Variants in PDE4D observed in about 807,000 individuals in gnomAD.
PDE4D encodes the protein phosphodiesterase 4D, also known as 3',5'-cyclic-AMP phosphodiesterase 4D.
Under a neutral mutation model 87.4 loss-of-function variants are expected in PDE4D, and 24 were observed. That is an observed-to-expected ratio of 0.27 (90% confidence interval 0.20 to 0.39). PDE4D has a LOEUF of 0.39. PDE4D is among the 10% of genes least tolerant of loss of function. The pLI, the probability that PDE4D is intolerant of heterozygous loss-of-function variation, is 1.00. For synonymous variants in PDE4D, 384 were observed against 383.2 expected, an observed-to-expected ratio of 1.00 and a Z score of -0.02; for missense variants, 714 against 1,041.0, an observed-to-expected ratio of 0.69 and a Z score of 4.32.
chr5:60,497,734 T>C (rs1749882701), intron 1 of PDE4D, among the ~76,000 whole-genome samples: 1 of 152,110 alleles, frequency 6.6e-6, no homozygotes, highest in Non-Finnish European at 1.5e-5. Flanking sequence ...AGTCAATTAG[T>C]CCTATCCTCT....
At chr5:60,005,589 C>A (rs1456440965) in intron 2 of PDE4D, among the ~76,000 whole-genome samples, 9 of 151,958 alleles carry the variant, frequency 5.9e-5, no homozygotes, top group Admixed American at 5.9e-4. Flanking sequence ...TATATCAAGT[C>A]ATCACATGTC....
chr5:59,287,096 C>T (rs775189243), intron 1 of PDE4D, among the ~76,000 whole-genome samples: 9 of 152,132 alleles, frequency 5.9e-5, no homozygotes, highest in Non-Finnish European at 1.2e-4. Context: ...CAGGGTAAAG[C>T]ACCAAAGGGG....
chr5:60,251,674 T>G (rs1024819626), intron 1 of PDE4D, among the ~76,000 whole-genome samples: 1 of 151,956 alleles, frequency 6.6e-6, no homozygotes, highest in African/African-American at 2.4e-5. Context: ...AATGAACATA[T>G]GACTACCTGT....
chr5:59,382,610 T>C (rs1482981180), intron 1 of PDE4D, among the ~76,000 whole-genome samples: 2 of 152,206 alleles, frequency 1.3e-5, no homozygotes, highest in African/African-American at 4.8e-5. Flanking sequence ...ATTCTCATAG[T>C]CCATAGGGTC....
In PDE4D at chr5:60,242,262, A is replaced by G. The variant is rs1404046509; in HGVS notation, c.-89-56575T>C. On this transcript the variant is annotated intron_variant, in intron 1 of 16. Transcript: ENST00000502484. ...TCATTATATAATGATAAAAGGTTCA[A>G]TTCAGGAAGAGGGTATAACAATTAT... is the stretch of plus-strand genomic sequence containing the variant. Among the ~76,000 whole-genome samples the G allele has an allele frequency of 2.0e-5, 3 of 152,160 alleles. No individual in the cohort carries two copies. In the East Asian group the frequency reaches 5.8e-4, roughly 29 times the overall value.
intron 1 of PDE4D, among the ~76,000 whole-genome samples, chr5:59,237,782 GGT>G (rs61375269): frequency 0.2 from 5,848 of 29,186 alleles, 112 homozygotes; most frequent in Admixed American, 0.25. Context: ...CCCTCATATA[GGT>G]GTGTGTGTGT....
chr5:59,903,939 C>G (rs1213267671), intron 3 of PDE4D, among the ~76,000 whole-genome samples: 2 of 152,112 alleles, frequency 1.3e-5, no homozygotes, highest in African/African-American at 4.8e-5. Flanking sequence ...AATCAGAATC[C>G]TCAAAAATTG....
intron 11 of PDE4D, among the ~76,000 whole-genome samples, chr5:58,986,938 T>G (rs1235460994): frequency 1.4e-5 from 2 of 137,970 alleles, no homozygotes; most frequent in Non-Finnish European, 3.1e-5. Context: ...AACATACCAG[T>G]TTGAATGTTT....
chr5:59,672,203 G>A (rs1046337948), intron 1 of PDE4D, among the ~76,000 whole-genome samples: 6 of 152,152 alleles, frequency 3.9e-5, no homozygotes, highest in Non-Finnish European at 8.8e-5. Context: ...TAGATGGTAA[G>A]TTGGATTTAT....
chr5:59,067,591 A>G (rs1200105367), intron 5 of PDE4D, among the ~76,000 whole-genome samples: 1 of 152,200 alleles, frequency 6.6e-6, no homozygotes, highest in Non-Finnish European at 1.5e-5. Flanking sequence ...GAATAAACCA[A>G]ACAGATCGGA....
intron 1 of PDE4D, among the ~76,000 whole-genome samples, chr5:59,561,858 GGAGGCAGATGTTGCAGTGAGCT>G (rs1258468941): frequency 6.6e-6 from 1 of 151,970 alleles, no homozygotes; most frequent in African/African-American, 2.4e-5. Flanking sequence ...CTTGAACCCG[GGAGGCAGATGTTGCAGTGAGCT>G]GAGATCGCAC....
At chr5:59,528,484 C>G (rs1368692872) in intron 1 of PDE4D, among the ~76,000 whole-genome samples, 1 of 152,110 alleles carries the variant, frequency 6.6e-6, no homozygotes, top group Non-Finnish European at 1.5e-5. Flanking sequence ...GTGCCTAAGT[C>G]AAGCCCTTTT....
At chr5:58,990,080 A>G (rs1747523563) in intron 9 of PDE4D, among the ~76,000 whole-genome samples, 161 bp from the exon 10 acceptor site, 1 of 152,086 alleles carries the variant, frequency 6.6e-6, no homozygotes, top group South Asian at 2.1e-4. Flanking sequence ...GGAACCTCTG[A>G]GAAGATCCAG....
At chr5:59,603,943 C>A (rs1263677980) in intron 1 of PDE4D, among the ~76,000 whole-genome samples, 1 of 151,872 alleles carries the variant, frequency 6.6e-6, no homozygotes, top group Non-Finnish European at 1.5e-5. Flanking sequence ...TGAGTTAATG[C>A]ATGTTAATTT....
chr5:59,633,129 A>C (rs1831786446), intron 1 of PDE4D, among the ~76,000 whole-genome samples: 2 of 152,184 alleles, frequency 1.3e-5, no homozygotes, highest in South Asian at 4.1e-4. Flanking sequence ...AGTGGAAGAA[A>C]GGATATCAGA....
intron 1 of PDE4D, chr5:59,703,760 T>C (rs1455322906): frequency 1.1e-5 from 4 of 371,436 alleles, no homozygotes; most frequent in Non-Finnish European, 2.2e-5. Context: ...CAGGGCTCTG[T>C]CTGTCCTCTT....
At chr5:59,966,715 T>C (rs1277485044) in intron 3 of PDE4D, among the ~76,000 whole-genome samples, 1 of 152,228 alleles carries the variant, frequency 6.6e-6, no homozygotes, top group Non-Finnish European at 1.5e-5. Context: ...TTGTACAAAG[T>C]CAATTTTCTA....
intron 1 of PDE4D, among the ~76,000 whole-genome samples, chr5:60,429,392 G>C (rs764108442): frequency 5.9e-5 from 9 of 152,100 alleles, no homozygotes; most frequent in Non-Finnish European, 1.0e-4. Flanking sequence ...CAAAACTATG[G>C]GGTTTTCTAG....
chr5:59,660,276 A>G (rs1230277011), intron 1 of PDE4D, among the ~76,000 whole-genome samples: 1 of 152,132 alleles, frequency 6.6e-6, no homozygotes, highest in Non-Finnish European at 1.5e-5. Flanking sequence ...TTCTGAAGGT[A>G]ATAGTATTTT....
Sources: gnomAD v4.1 joint callset for allele counts (sites outside exome capture counted in the v4.1 genomes callset) on GRCh38, gnomAD v4.1.1 for gene constraint, MANE v1.5 for transcripts, NCBI Gene and HGNC (gene_info 2026-07-23, HGNC 2026-07-21) for gene names.